The following FHIT variants were observed in gnomAD, a reference collection of about 807,000 sequenced individuals.
FHIT encodes the protein bis(5'-adenosyl)-triphosphatase.
FHIT carries 19 observed loss-of-function variants against 17.9 expected under a neutral mutation model. The observed-to-expected ratio is 1.06, with a 90% CI of 0.74 to 1.56. The LOEUF (loss-of-function observed/expected upper bound fraction) is 1.56. Ranked by LOEUF, FHIT falls within the 40% of genes most tolerant of loss-of-function variation. The probability of loss-of-function intolerance (pLI) is 0.00; values close to 1 mark genes in which losing one functional copy is unlikely to be tolerated. For missense variants in FHIT, 248 were observed against 189.2 expected, an observed-to-expected ratio of 1.31 and a Z score of -1.82; for synonymous variants, 81 against 69.7, an observed-to-expected ratio of 1.16 and a Z score of -0.81.
intron 5 of FHIT, among the ~76,000 whole-genome samples, chr3:60,495,084 C>A (rs1008548037): frequency 1.7e-4 from 26 of 152,160 alleles, no homozygotes; most frequent in African/African-American, 6.0e-4. Context: ...TTTACATTCC[C>A]ACCAACAGGG....
intron 5 of FHIT, among the ~76,000 whole-genome samples, chr3:60,349,002 A>G (rs1201954747): frequency 6.6e-6 from 1 of 152,226 alleles, no homozygotes; most frequent in Admixed American, 6.5e-5. Flanking sequence ...GATTGTAGGT[A>G]TAAGAGAAAT....
chr3:60,970,905 A>G (rs914140154), intron 3 of FHIT, among the ~76,000 whole-genome samples: 2 of 152,158 alleles, frequency 1.3e-5, no homozygotes, highest in Non-Finnish European at 2.9e-5. Context: ...CTCATGACCA[A>G]TCTTGTTCCA....
At chr3:60,147,492 G>A (rs116260211) in intron 5 of FHIT, among the ~76,000 whole-genome samples, 170 of 152,280 alleles carry the variant, frequency 1.1e-3, no homozygotes, top group African/African-American at 3.8e-3. Context: ...GCCACCGTGG[G>A]TGTCATAATA....
chr3:59,766,301 G>A (rs749139378), intron 8 of FHIT, among the ~76,000 whole-genome samples: 7 of 152,190 alleles, frequency 4.6e-5, no homozygotes, highest in Non-Finnish European at 8.8e-5. Flanking sequence ...TCGGATGACC[G>A]CAGTTTTCCT....
At chr3:60,316,292 A>T (rs1258575930) in intron 5 of FHIT, among the ~76,000 whole-genome samples, 1 of 152,202 alleles carries the variant, frequency 6.6e-6, no homozygotes, top group South Asian at 2.1e-4. Flanking sequence ...ATCCACCAGC[A>T]TGATTTTTAT....
rs3037240 is a variant in FHIT, at chr3:60,636,070, ATTTTT to A, written c.-17-99096_-17-99092del. Among the ~76,000 whole-genome samples, 7 of 147,006 alleles carry A rather than the reference ATTTTT, an allele frequency of 4.8e-5. No homozygotes were observed. In the East Asian group the frequency reaches 1.4e-3, roughly 30 times the overall value. ...AGAATCAATTAAGCTTTGTACAATG[ATTTTT>A]TTTTTTTGAGACAGAGTCTTGCTCT... On this transcript the variant is annotated intron_variant, in intron 4 of 9. Coordinates refer to ENST00000492590, the MANE Select transcript of FHIT (RefSeq NM_002012.4).
intron 5 of FHIT, among the ~76,000 whole-genome samples, chr3:60,338,965 G>T (rs1039008350): frequency 2.6e-5 from 4 of 151,980 alleles, no homozygotes; most frequent in Admixed American, 2.6e-4. Context: ...ACATAACAAG[G>T]CCTCCTTTAC....
chr3:60,235,045 C>T (rs780422065), intron 5 of FHIT, among the ~76,000 whole-genome samples: 9 of 152,022 alleles, frequency 5.9e-5, no homozygotes, highest in Non-Finnish European at 1.0e-4. Flanking sequence ...AACTTCTCAA[C>T]GTTACATGGA....
intron 7 of FHIT, among the ~76,000 whole-genome samples, chr3:59,934,917 G>C (rs770033200): frequency 6.6e-6 from 1 of 152,124 alleles, no homozygotes; most frequent in Non-Finnish European, 1.5e-5. Context: ...AGATTTGGGT[G>C]CGGATGCAGC....
chr3:59,763,083 G>C (rs1185113416), intron 8 of FHIT, among the ~76,000 whole-genome samples: 1 of 152,144 alleles, frequency 6.6e-6, no homozygotes, highest in Non-Finnish European at 1.5e-5. Flanking sequence ...AAGCAAGACT[G>C]TTCTCCTTTA....
At chr3:60,762,750 A>G (rs1488181089) in intron 4 of FHIT, among the ~76,000 whole-genome samples, 1 of 151,916 alleles carries the variant, frequency 6.6e-6, no homozygotes, top group Non-Finnish European at 1.5e-5. Context: ...AGTGGGCCTC[A>G]TTCAATTAGT....
chr3:60,868,027 G>A (rs1318962883), intron 3 of FHIT, among the ~76,000 whole-genome samples: 6 of 152,114 alleles, frequency 3.9e-5, no homozygotes, highest in African/African-American at 1.4e-4. Flanking sequence ...ACAAACCTGT[G>A]TGCTCACCAA....
chr3:60,347,988 A>T (rs1205320361), intron 5 of FHIT, among the ~76,000 whole-genome samples: 2 of 151,884 alleles, frequency 1.3e-5, no homozygotes, highest in Non-Finnish European at 2.9e-5. Context: ...CAAACTCCTC[A>T]CCTCAGTTGA....
chr3:59,849,246 G>A (rs1422785996), intron 8 of FHIT, among the ~76,000 whole-genome samples: 4 of 152,018 alleles, frequency 2.6e-5, no homozygotes, highest in Admixed American at 1.3e-4. Context: ...TGTGGTGCAC[G>A]TCTGTAATCC....
chr3:60,968,783 A>G (rs752735059), intron 3 of FHIT, among the ~76,000 whole-genome samples: 1 of 152,104 alleles, frequency 6.6e-6, no homozygotes, highest in Non-Finnish European at 1.5e-5. Flanking sequence ...AGATTTTACC[A>G]TGAATGAATG....
chr3:60,537,044 A>G, intron 4 of FHIT, 65 bp from the exon 5 acceptor site: 1 of 1,339,494 alleles, frequency 7.5e-7, no homozygotes, highest in Non-Finnish European at 1.0e-6. Context: ...ATACCACCTT[A>G]AAGAAAGCAA....
At chr3:61,004,548 A>G (rs2031314996) in intron 3 of FHIT, among the ~76,000 whole-genome samples, 1 of 152,254 alleles carries the variant, frequency 6.6e-6, no homozygotes, top group Admixed American at 6.5e-5. Flanking sequence ...AGCACTGACC[A>G]GAACTTGGAA....
At chr3:60,352,130 C>A (rs1699439277) in intron 5 of FHIT, among the ~76,000 whole-genome samples, 1 of 152,000 alleles carries the variant, frequency 6.6e-6, no homozygotes, top group East Asian at 1.9e-4. Context: ...CATAGAAGGC[C>A]CTCAATAAAT....
At chr3:60,750,055 T>A (rs372048704) in intron 4 of FHIT, among the ~76,000 whole-genome samples, 2 of 152,212 alleles carry the variant, frequency 1.3e-5, no homozygotes, top group East Asian at 3.9e-4. Context: ...ATATAACTAG[T>A]AGACAACAGA....
Sources: allele counts gnomAD v4.1 joint callset (sites outside exome capture counted in the v4.1 genomes callset), GRCh38; gene constraint gnomAD v4.1.1; transcripts MANE v1.5; gene names NCBI Gene and HGNC (gene_info 2026-07-23, HGNC 2026-07-21).